CLEC17A: variants seen among roughly 807,000 people sequenced by gnomAD.
CLEC17A encodes the protein C-type lectin domain family 17, member A.
CLEC17A carries 37 observed loss-of-function variants against 61.3 expected under a neutral mutation model. The observed-to-expected ratio is 0.60, with a 90% CI of 0.46 to 0.79. The LOEUF (loss-of-function observed/expected upper bound fraction) is 0.79, where lower values mean the gene tolerates loss of function less well. CLEC17A is among the 30% of genes least tolerant of loss of function. The pLI, the probability that CLEC17A is intolerant of heterozygous loss-of-function variation, is 0.00. For missense variants in CLEC17A, 418 were observed against 464.7 expected (o/e 0.90, Z 0.92); for synonymous variants, 168 against 164.9 (o/e 1.02, Z -0.14).
At chr19:14,606,870 C>T (rs1254922155) in intron 12 of CLEC17A, 123 bp from the exon 13 acceptor site, 6 of 362,848 alleles carry the variant, frequency 1.7e-5, no homozygotes, top group South Asian at 1.4e-4. Context: ...ACCATGGGGA[C>T]GGGGACGGGT....
chr19:14,594,656 T>C lies in CLEC17A; in HGVS notation c.335T>C (p.Leu112Pro). ...RAAKETEKPP[L>P]PCKPRNMTGL... The stretch of plus-strand genomic sequence containing the variant: ...GCAAAGGAAACAGAGAAACCCCCAC[T>C]TCCTTGCAAGCCCCGGAACATGACA... Residue 112 changes from leucine (L) to proline (P), a missense_variant, in exon 6 of 14, where the codon CTT becomes CCT. Coordinates refer to ENST00000417570, the MANE Select transcript of CLEC17A (RefSeq NM_001204118.2). The C allele has an allele frequency of 6.2e-7, 1 of 1,613,862 alleles. No individual in the cohort carries two copies. Among genetic ancestry groups the C allele is most frequent in the Non-Finnish European group, 8.5e-7 (1 of 1,179,846 alleles).
intron 3 of CLEC17A, among the ~76,000 whole-genome samples, chr19:14,591,475 C>T (rs1282686265): frequency 1.0e-4 from 13 of 124,726 alleles, no homozygotes; most frequent in Non-Finnish European, 6.8e-5. Context: ...GACAGAATCT[C>T]ACTGTGTTGC....
At chr19:14,600,625 A>C (rs2074681147) in intron 12 of CLEC17A, among the ~76,000 whole-genome samples, 1 of 150,746 alleles carries the variant, frequency 6.6e-6, no homozygotes, top group Non-Finnish European at 1.5e-5. Flanking sequence ...TCTTTCACCC[A>C]GGCTGGAGTG....
At chr19:14,593,483 T>G (rs143519899) in intron 4 of CLEC17A, among the ~76,000 whole-genome samples, 348 of 151,814 alleles carry the variant, frequency 2.3e-3, no homozygotes, top group Non-Finnish European at 3.5e-3. Flanking sequence ...CCCAGCTATA[T>G]GAAAACATTT....
intron 8 of CLEC17A, 134 bp downstream of exon 8, chr19:14,595,449 TG>T (rs2074520287): frequency 2.2e-6 from 2 of 921,406 alleles, no homozygotes; most frequent in Admixed American, 4.4e-5. Flanking sequence ...TGCACTGTTC[TG>T]AGTTAGTCTA....
intron 3 of CLEC17A, 124 bp from the exon 4 acceptor site, chr19:14,592,157 C>T: frequency 7.6e-7 from 1 of 1,310,890 alleles, no homozygotes; most frequent in East Asian, 2.5e-5. Context: ...GGGGCTGGGG[C>T]CCAGGTGTGG....
At chr19:14,608,098 C>A (rs2074948042) in intron 13 of CLEC17A, among the ~76,000 whole-genome samples, 1 of 151,888 alleles carries the variant, frequency 6.6e-6, no homozygotes, top group Non-Finnish European at 1.5e-5. Context: ...TTTTGAACTT[C>A]TGAGCTCAAG....
At chr19:14,587,857 A>G (rs1018801007) in intron 3 of CLEC17A, among the ~76,000 whole-genome samples, 166 bp downstream of exon 3, 15 of 152,118 alleles carry the variant, frequency 9.9e-5, no homozygotes, top group Non-Finnish European at 1.8e-4. Flanking sequence ...GTCTGATGGC[A>G]GAGGCAGGAT....
In CLEC17A at chr19:14,610,214, G is replaced by A. The variant is rs1045142449; in HGVS notation, c.*18G>A. On this transcript the variant is annotated 3_prime_UTR_variant, in exon 14 of 14. Coordinates refer to ENST00000417570, the MANE Select transcript of CLEC17A (RefSeq NM_001204118.2). ...CCTGTTGAAGCCCAGGGCCGAGGCT[G>A]GGGGTCCATATCTGAGTGTCTCTTT... The A allele has an allele frequency of 6.4e-7, 1 of 1,550,512 alleles. No individual in the cohort carries two copies. Among genetic ancestry groups the A allele is most frequent in the South Asian group, 1.2e-5 (1 of 84,228 alleles).
rs529427900 is a variant in CLEC17A at position 14,583,233 on chromosome 19, C to A, written c.43+30C>A. On this transcript the variant is annotated intron_variant, in intron 1 of 13. Transcript: ENST00000417570. ...GGCCCCGGCCAGGCTGGGGCTGGGG[C>A]CTAGGTGTGGTCAGGACCCAGGGTA... is the stretch of plus-strand genomic sequence containing the variant. 6,516 of 1,613,718 alleles carry A rather than the reference C, an allele frequency of 4.0e-3. 14 individuals carry two copies. The highest frequency in any genetic ancestry group is 4.9e-3 in the Non-Finnish European group (5,801 of 1,179,856).
chr19:14,611,846 A>G lies in CLEC17A; in HGVS notation c.*1650A>G, dbSNP rs1445404035. 6.6e-6 allele frequency among the ~76,000 whole-genome samples: 1 copy of G among 152,042 alleles called. No individual in the cohort carries two copies. On this transcript the variant is annotated 3_prime_UTR_variant, in exon 14 of 14. Transcript: ENST00000417570. ...GTAAAATCCTATCTCTACTAAAAAT[A>G]CAAAAAAATTAGCTGGGCGTGGTGG...
At chr19:14,582,501 G>A (rs1046499597), upstream of CLEC17A, among the ~76,000 whole-genome samples, 6 of 151,930 alleles carry the variant, frequency 3.9e-5, no homozygotes, top group Non-Finnish European at 8.8e-5. Flanking sequence ...CGTGAGCCAC[G>A]ATGCCTGGCC....
At chr19:14,603,289 G>A (rs1255836356) in intron 12 of CLEC17A, among the ~76,000 whole-genome samples, 1 of 152,104 alleles carries the variant, frequency 6.6e-6, no homozygotes, top group Non-Finnish European at 1.5e-5. Flanking sequence ...GGTCTTTGCT[G>A]TCTTTACTCC....
chr19:14,596,350 T>C (rs538356965), intron 8 of CLEC17A, among the ~76,000 whole-genome samples: 2 of 152,138 alleles, frequency 1.3e-5, no homozygotes, highest in African/African-American at 2.4e-5. Context: ...AGGATGTAGG[T>C]TGGGTACAGT....
chr19:14,608,866 C>T (rs1321972883), intron 13 of CLEC17A, among the ~76,000 whole-genome samples: 1 of 149,566 alleles, frequency 6.7e-6, no homozygotes, highest in Non-Finnish European at 1.5e-5. Context: ...GTGGCACAAT[C>T]TTGGCTCACT....
In CLEC17A at chr19:14,597,008, T is replaced by A. The variant is rs745670773; in HGVS notation, c.578T>A (p.Ile193Asn). 1 of 1,610,178 alleles carries A rather than the reference T, an allele frequency of 6.2e-7. No homozygotes were observed. Among genetic ancestry groups the A allele is most frequent in the South Asian group, 1.1e-5 (1 of 90,228 alleles). ...TGCCTTGGTCTCACTGTGACCCTGA[T>A]TAAGTGTGAGTAGGGCCAGGAAGGG... ...LGCLGLTVTL[I>N]KYQELMEELR... Residue 193 changes from isoleucine (I) to asparagine (N), a missense_variant, in exon 9 of 14, where the codon ATT (isoleucine) becomes AAT (asparagine). Physicochemically the swap from Ile to Asn is moderately radical, Grantham distance 149. Coordinates refer to ENST00000417570, the MANE Select transcript of CLEC17A (RefSeq NM_001204118.2).
At chr19:14,601,214 C>T (rs563243987) in intron 12 of CLEC17A, among the ~76,000 whole-genome samples, 1 of 152,124 alleles carries the variant, frequency 6.6e-6, no homozygotes, top group South Asian at 2.1e-4. Context: ...GGAGGGGTTA[C>T]TTTATGCTGC....
At chr19:14,597,390 T>A (rs2074576875) in intron 10 of CLEC17A, among the ~76,000 whole-genome samples, 1 of 152,230 alleles carries the variant, frequency 6.6e-6, no homozygotes, top group African/African-American at 2.4e-5. Context: ...ACAAGCCATA[T>A]GTGGCTGTTG....
chr19:14,588,325 C>CAAA (rs577433509), intron 3 of CLEC17A: 17 of 93,954 alleles, frequency 1.8e-4, no homozygotes, highest in African/African-American at 5.0e-4. Context: ...CCATCTCTGC[C>CAAA]AAAAAAAAAA....
Sources: gnomAD v4.1 joint callset for allele counts (sites outside exome capture counted in the v4.1 genomes callset) on GRCh38, gnomAD v4.1.1 for gene constraint, MANE v1.5 for transcripts, NCBI Gene and HGNC (gene_info 2026-07-23, HGNC 2026-07-21) for gene names.